Variants in CHTF8 observed in about 807,000 individuals in gnomAD.
CHTF8 encodes chromosome transmission fidelity protein 8 homolog.
In CHTF8, 6 loss-of-function variants were observed where a neutral mutation model predicts 11.0. The observed-to-expected ratio is 0.55, with a 90% confidence interval of 0.30 to 1.08. The LOEUF (loss-of-function observed/expected upper bound fraction) is 1.08. Ranked by LOEUF, CHTF8 falls within the 50% of genes least tolerant of loss-of-function variation. The probability of loss-of-function intolerance (pLI) is 0.07; values close to 1 mark genes in which losing one functional copy is unlikely to be tolerated. For missense variants in CHTF8, 140 were observed against 153.1 expected, an observed-to-expected ratio of 0.91 and a Z score of 0.45; for synonymous variants, 53 against 60.5, an observed-to-expected ratio of 0.88 and a Z score of 0.57.
chr16:69,129,089 C>CA (rs768378198), intron 1 of CHTF8, among the ~76,000 whole-genome samples: 2,915 of 144,390 alleles, frequency 0.02, 93 homozygotes, highest in African/African-American at 0.069. Context: ...TGAAACAAAA[C>CA]AAAAAAAAAA....
At chr16:69,121,282 G>T in intron 2 of CHTF8, 112 bp from the exon 3 acceptor site, 1 of 1,270,368 alleles carries the variant, frequency 7.9e-7, no homozygotes, top group Non-Finnish European at 1.1e-6. Flanking sequence ...TCAAGTTCTT[G>T]GGAAATTGGG....
intron 1 of CHTF8, 35 bp from the exon 2 acceptor site, chr16:69,121,528 C>A: frequency 1.5e-6 from 2 of 1,332,032 alleles, no homozygotes; most frequent in South Asian, 1.3e-5. Flanking sequence ...AGGGTAATAA[C>A]AACAACAACT....
chr16:69,130,801 G>A (rs772305934), intron 1 of CHTF8, among the ~76,000 whole-genome samples: 6 of 152,088 alleles, frequency 3.9e-5, no homozygotes, highest in Non-Finnish European at 7.4e-5. Context: ...TGTTTATAAC[G>A]GACTAAAGCA....
rs1383175433 is a variant in CHTF8 at position 69,120,521 on chromosome 16, A to G, written c.270T>C (p.Thr90=). 6.2e-7 allele frequency: 1 copy of G among 1,614,004 alleles called. No individual in the cohort carries two copies. The highest frequency in any genetic ancestry group is 1.3e-5 in the African/African-American group (1 of 74,894). ...DQDCDELGRE[T]GTRYLVTALI... is the part of the protein sequence containing the mutation. ...GTGCTGTCACCAGGTACCGGGTGCC[A>G]GTCTCGCGGCCAAGCTCATCACAGT... Residue 90 remains threonine (T), a synonymous_variant, in exon 4 of 4, where the codon ACT becomes ACC. Coordinates refer to ENST00000448552, the MANE Select transcript of CHTF8 (RefSeq NM_001039690.5). This position sits in a 1 kb window ranked among gnomAD's most constrained non-coding sequence, Gnocchi z 4.0.
Position 69,120,337 on chromosome 16 carries a change from C to G in CHTF8, c.*88G>C. 1 of 1,333,112 alleles carries G rather than the reference C, an allele frequency of 7.5e-7. No individual in the cohort carries two copies. The highest frequency in any genetic ancestry group is 1.1e-6 in the Non-Finnish European group (1 of 929,934). 82.6% of individuals were successfully genotyped at this position (1,333,112 alleles called of 1,614,324 possible). A position where few individuals can be genotyped will look rare whatever the true frequency, so the allele number is the denominator to read the frequency against. On this transcript the variant is annotated 3_prime_UTR_variant, in exon 4 of 4. Coordinates refer to ENST00000448552, the MANE Select transcript of CHTF8 (RefSeq NM_001039690.5). This position sits in a 1 kb window ranked among gnomAD's most constrained non-coding sequence, Gnocchi z 4.0. ...GTTCAGAACAGGACCCCCCTGTGGT[C>G]CCAGGGAACCGTCGAGCCGTCCTCG...
chr16:69,121,182 G>T lies in CHTF8; in HGVS notation c.24-12C>A. ...CTCCAGCCCTCGCACTGCAAGCAAA[G>T]GGCTGGCGGTTACAATATTTTTGAG... is the stretch of plus-strand genomic sequence containing the variant. On this transcript the variant is annotated splice_polypyrimidine_tract_variant and intron_variant, in intron 2 of 3. Coordinates refer to ENST00000448552, the MANE Select transcript of CHTF8 (RefSeq NM_001039690.5). The T allele has an allele frequency of 6.2e-7, 1 of 1,607,992 alleles. No individual in the cohort carries two copies. The highest frequency in any genetic ancestry group is 8.5e-7 in the Non-Finnish European group (1 of 1,176,084).
rs1479046196 is a variant in CHTF8 at position 69,121,500 on chromosome 16, A to C, written c.-35-7T>G. Reference sequence around the variant, plus strand: ...AAAAGCAAGTGAAAACAAGCTGTAGAGAGAAAAAAAGAGATTTAGGGTAAT... The same window carrying C: ...AAAAGCAAGTGAAAACAAGCTGTAGCGAGAAAAAAAGAGATTTAGGGTAAT... On this transcript the variant is annotated splice_region_variant and splice_polypyrimidine_tract_variant and intron_variant, in intron 1 of 3. Transcript: ENST00000448552. The C allele has an allele frequency of 6.5e-7, 1 of 1,528,148 alleles. No homozygotes were observed. Among genetic ancestry groups the C allele is most frequent in the Admixed American group, 2.0e-5 (1 of 50,740 alleles). 94.7% of individuals were successfully genotyped at this position (1,528,148 alleles called of 1,614,324 possible). A position where few individuals can be genotyped will look rare whatever the true frequency, so the allele number is the denominator to read the frequency against.
At chr16:69,131,267 A>T (rs892247224) in intron 1 of CHTF8, 3 of 152,172 alleles carry the variant, frequency 2.0e-5, no homozygotes, top group Non-Finnish European at 4.4e-5. Flanking sequence ...ATCACATTTT[A>T]GGATTCCCAC....
intron 1 of CHTF8, among the ~76,000 whole-genome samples, chr16:69,127,625 T>TG (rs1567593600): frequency 6.9e-6 from 1 of 144,118 alleles, no homozygotes; most frequent in Non-Finnish European, 1.5e-5. Flanking sequence ...TTTTTTTTTT[T>TG]GTGAGACAGT....
At chr16:69,121,370 C>G in intron 2 of CHTF8, 66 bp downstream of exon 2, 1 of 1,419,952 alleles carries the variant, frequency 7.0e-7, no homozygotes, top group Non-Finnish European at 9.7e-7. Flanking sequence ...TTCTTCCAGA[C>G]ACATGGCACA....
At chr16:69,127,602 T>C (rs907170377) in intron 1 of CHTF8, among the ~76,000 whole-genome samples, 1 of 104,134 alleles carries the variant, frequency 9.6e-6, no homozygotes, top group African/African-American at 4.5e-5. Context: ...TCCCGGCAAC[T>C]TTTTTTTTTT....
Position 69,119,354 on chromosome 16 carries a change from C to T in CHTF8, c.*1071G>A. 1 of 703,068 alleles carries T rather than the reference C, an allele frequency of 1.4e-6. No individual in the cohort carries two copies. The highest frequency in any genetic ancestry group is 2.6e-6 in the Non-Finnish European group (1 of 385,012). 43.6% of individuals were successfully genotyped at this position (703,068 alleles called of 1,614,324 possible). A position where few individuals can be genotyped will look rare whatever the true frequency, so the allele number is the denominator to read the frequency against. On this transcript the variant is annotated 3_prime_UTR_variant, in exon 4 of 4. Coordinates refer to ENST00000448552, the MANE Select transcript of CHTF8 (RefSeq NM_001039690.5). Reference sequence around the variant, plus strand: ...CCTGCTCCCCTGGGAAAGGGATTGGCATTTACCCCCATGGGGCCAACTGGC... The same window carrying T: ...CCTGCTCCCCTGGGAAAGGGATTGGTATTTACCCCCATGGGGCCAACTGGC...
chr16:69,120,608 C>T lies in CHTF8; in HGVS notation c.183G>A (p.Gly61=). The T allele has an allele frequency of 1.2e-6, 2 of 1,613,858 alleles. No individual in the cohort carries two copies. The highest frequency in any genetic ancestry group is 1.7e-6 in the Non-Finnish European group (2 of 1,179,818). Residue 61 remains glycine, a synonymous_variant, in exon 4 of 4, where the codon GGG becomes GGA. Coordinates refer to ENST00000448552, the MANE Select transcript of CHTF8 (RefSeq NM_001039690.5). The surrounding 1 kb of genome is among the most constrained non-coding windows in gnomAD (Gnocchi z 4.0). ...AAGGTTTCTCCAGGTGGATGATTTT[C>T]CCATACAGGATATGATGCCCCACGA... ...VLIVGHHILY[G]KIIHLEKPFA...
intron 1 of CHTF8, among the ~76,000 whole-genome samples, chr16:69,130,834 C>G (rs1438894157): frequency 6.6e-6 from 1 of 152,166 alleles, no homozygotes; most frequent in African/African-American, 2.4e-5. Flanking sequence ...AGCAGGTCAT[C>G]AGAATAAAAT....
intron 1 of CHTF8, among the ~76,000 whole-genome samples, chr16:69,129,681 C>A (rs368721760): frequency 1.3e-5 from 2 of 152,170 alleles, no homozygotes; most frequent in Non-Finnish European, 1.5e-5. Context: ...TGAACCCTAA[C>A]CCCTCCACAA....
Position 69,120,760 on chromosome 16 carries a change from C to A in CHTF8, c.142-111G>T. The stretch of plus-strand genomic sequence containing the variant: ...TATGCTGGCACCTCCAATCCCTGGT[C>A]TGGCTCTGCCATTGTTGAGCAGCCA... On this transcript the variant is annotated intron_variant, in intron 3 of 3. Coordinates refer to ENST00000448552, the MANE Select transcript of CHTF8 (RefSeq NM_001039690.5). The surrounding 1 kb of genome is among the most constrained non-coding windows in gnomAD (Gnocchi z 4.0). 1.1e-6 allele frequency: 1 copy of A among 943,044 alleles called. No homozygotes were observed. The highest frequency in any genetic ancestry group is 1.6e-5 in the South Asian group (1 of 64,320). 58.4% of individuals were successfully genotyped at this position (943,044 alleles called of 1,614,324 possible).
rs754863061 is a variant in CHTF8, at chr16:69,119,091, G to A, written c.*1334C>T. Reference sequence around the variant, plus strand: ...CAGCTGGAGAAGGGCCCAGATGCCCGGCAGCTGGCCTGGGGAAAGTAACTT... The same window carrying A: ...CAGCTGGAGAAGGGCCCAGATGCCCAGCAGCTGGCCTGGGGAAAGTAACTT... On this transcript the variant is annotated 3_prime_UTR_variant, in exon 4 of 4. Coordinates refer to ENST00000448552, the MANE Select transcript of CHTF8 (RefSeq NM_001039690.5). The A allele has an allele frequency of 2.3e-5, 16 of 702,896 alleles. No homozygotes were observed. The highest frequency in any genetic ancestry group is 5.2e-5 in the African/African-American group (3 of 57,278). 43.5% of individuals were successfully genotyped at this position (702,896 alleles called of 1,614,324 possible).
intron 1 of CHTF8, 35 bp from the exon 2 acceptor site, chr16:69,121,528 C>T (rs1025136773): frequency 8.3e-6 from 11 of 1,331,916 alleles, no homozygotes; most frequent in Middle Eastern, 1.9e-4. Flanking sequence ...AGGGTAATAA[C>T]AACAACAACT....
chr16:69,130,399 G>A (rs1027892620), intron 1 of CHTF8, among the ~76,000 whole-genome samples: 2 of 152,036 alleles, frequency 1.3e-5, no homozygotes, highest in African/African-American at 2.4e-5. Flanking sequence ...AATTATTTCA[G>A]AGTGTAAATA....
Sources: allele counts gnomAD v4.1 joint callset (sites outside exome capture counted in the v4.1 genomes callset), GRCh38; gene constraint gnomAD v4.1.1; non-coding constraint Gnocchi (gnomAD v3.1); transcripts MANE v1.5; gene names NCBI Gene and HGNC (gene_info 2026-07-23, HGNC 2026-07-21).